NFX1: variants seen among roughly 807,000 people sequenced by gnomAD.
The protein encoded by NFX1 is nuclear transcription factor, X-box binding 1.
A neutral mutation model predicts 137.2 loss-of-function variants in NFX1; 69 were observed. The ratio of observed to expected loss-of-function variants is 0.50; its 90% CI spans 0.41 to 0.61. The LOEUF is 0.61. Among genes scored for constraint, NFX1 ranks in the 20% least tolerant of loss-of-function variants. NFX1 has a pLI of 0.00. For synonymous variants in NFX1, 495 were observed against 474.1 expected (o/e 1.04, Z -0.57); for missense variants, 1,167 against 1,391.0 (o/e 0.84, Z 2.56).
At chr9:33,337,017 G>A (rs772860393) in intron 11 of NFX1, among the ~76,000 whole-genome samples, 9 of 152,116 alleles carry the variant, frequency 5.9e-5, no homozygotes, top group Non-Finnish European at 1.0e-4. Context: ...CAAGAGAATC[G>A]CTTGAACCCA....
At chr9:33,367,651 C>T (rs752178838) in intron 23 of NFX1, 32 bp downstream of exon 23, 1 of 1,604,762 alleles carries the variant, frequency 6.2e-7, no homozygotes, top group East Asian at 2.2e-5. Context: ...CCAAGGGGAC[C>T]TGTCTGTCCA....
At chr9:33,350,392 G>A (rs578154808) in intron 15 of NFX1, among the ~76,000 whole-genome samples, 19 of 151,228 alleles carry the variant, frequency 1.3e-4, no homozygotes, top group South Asian at 2.1e-4. Flanking sequence ...CCTCCACCCC[G>A]CATCTATAAG....
Position 33,295,282 on chromosome 9 carries a change from C to G in NFX1, c.888C>G (p.Asp296Glu). The change falls in exon 2 of 24, where the codon GAC becomes GAG. Residue 296 changes from aspartate (D) to glutamate (E), a missense_variant. By Grantham distance (45) the Asp-to-Glu change is conservative. Transcript: ENST00000379540. Reference sequence around the variant, plus strand: ...AAAGACCAGCAAAATCTACCTGTGACAGTGAGAACTTGGCAGTCATCAACA... The same window carrying G: ...AAAGACCAGCAAAATCTACCTGTGAGAGTGAGAACTTGGCAGTCATCAACA... ...LNERPAKSTCDSENLAVINKS... is the reference protein window; with the variant it reads ...LNERPAKSTCESENLAVINKS... 3 of 1,614,122 alleles carry G rather than the reference C, an allele frequency of 1.9e-6. No individual in the cohort carries two copies. The highest frequency in any genetic ancestry group is 2.5e-6 in the Non-Finnish European group (3 of 1,180,028).
chr9:33,305,601 T>C lies in NFX1; in HGVS notation c.1271-1593T>C, dbSNP rs116437144. Reference sequence around the variant, plus strand: ...TGAGTAGAGTATTTTGGAGCCTAAATAATTTGGGACTTATAATCCAGATGA... The same window carrying C: ...TGAGTAGAGTATTTTGGAGCCTAAACAATTTGGGACTTATAATCCAGATGA... On this transcript the variant is annotated intron_variant, in intron 4 of 23. Transcript: ENST00000379540. 6.6e-3 allele frequency among the ~76,000 whole-genome samples: 1,001 copies of C among 152,320 alleles called. 7 individuals carry two copies. Among genetic ancestry groups the C allele is most frequent in the African/African-American group, 0.023 (951 of 41,558 alleles).
intron 2 of NFX1, among the ~76,000 whole-genome samples, chr9:33,300,584 T>C (rs1821522014): frequency 6.6e-6 from 1 of 152,182 alleles, no homozygotes; most frequent in Non-Finnish European, 1.5e-5. Context: ...AGAAAGACTT[T>C]GCTGCAATTG....
intron 23 of NFX1, among the ~76,000 whole-genome samples, chr9:33,368,369 C>A (rs944114253): frequency 1.3e-5 from 2 of 152,108 alleles, no homozygotes; most frequent in Non-Finnish European, 2.9e-5. Flanking sequence ...TTATAACAAA[C>A]ATATTCATGA....
chr9:33,290,529 T>C lies in NFX1; in HGVS notation c.-44T>C. On this transcript the variant is annotated 5_prime_UTR_variant, in exon 1 of 24. Coordinates refer to ENST00000379540, the MANE Select transcript of NFX1 (RefSeq NM_002504.6). ...TCCGGGGCACGTGACCTGGTGACAG[T>C]GCTGACTTGGCTGTACAGCTCGATC... 5.6e-6 allele frequency: 9 copies of C among 1,612,554 alleles called. No homozygotes were observed. Among genetic ancestry groups the C allele is most frequent in the Non-Finnish European group, 7.6e-6 (9 of 1,178,758 alleles).
At chr9:33,306,186 G>A (rs531595030) in intron 4 of NFX1, among the ~76,000 whole-genome samples, 7 of 152,288 alleles carry the variant, frequency 4.6e-5, no homozygotes, top group Non-Finnish European at 2.9e-5. Flanking sequence ...CACTTTGTAG[G>A]AAAAATTGAC....
intron 6 of NFX1, among the ~76,000 whole-genome samples, chr9:33,312,761 C>G (rs915803075): frequency 2.6e-5 from 4 of 152,164 alleles, no homozygotes; most frequent in African/African-American, 9.7e-5. Context: ...GCCCCAGCTA[C>G]TGGGGAGGTT....
chr9:33,343,249 A>G (rs918134729), intron 13 of NFX1, among the ~76,000 whole-genome samples: 1 of 152,172 alleles, frequency 6.6e-6, no homozygotes, highest in Non-Finnish European at 1.5e-5. Context: ...TGTGAATTGT[A>G]TTTATCTTTA....
intron 11 of NFX1, among the ~76,000 whole-genome samples, chr9:33,338,262 T>G (rs1219140577): frequency 6.9e-6 from 1 of 144,312 alleles, no homozygotes; most frequent in South Asian, 2.2e-4. Context: ...GGCTGAGGCA[T>G]GAGAATCACT....
Position 33,318,785 on chromosome 9 carries a change from A to T in NFX1, c.1643A>T (p.Lys548Met). Reference sequence around the variant, plus strand: ...GTGTTATGTGGAACCGATGTAGGAAAGTCTGATGGATTTGGGGATTTCAGC... The same window carrying T: ...GTGTTATGTGGAACCGATGTAGGAATGTCTGATGGATTTGGGGATTTCAGC... ...RDVLCGTDVG[K>M]SDGFGDFSCL... The change falls in exon 8 of 24, where the codon AAG (lysine) becomes ATG (methionine). Residue 548 changes from lysine (K) to methionine (M), a missense_variant. This residue lies in a region of NFX1 where 488 missense variants were observed against 691.5 expected (regional missense o/e 0.71). Transcript: ENST00000379540. 1 of 1,614,250 alleles carries T rather than the reference A, an allele frequency of 6.2e-7. No homozygotes were observed. Among genetic ancestry groups the T allele is most frequent in the Non-Finnish European group, 8.5e-7 (1 of 1,180,050 alleles).
At chr9:33,303,151 G>T in intron 3 of NFX1, 40 bp from the exon 4 acceptor site, 1 of 1,546,398 alleles carries the variant, frequency 6.5e-7, no homozygotes, top group Non-Finnish European at 8.9e-7. Flanking sequence ...GTAGCTTTTG[G>T]AAGAAAATTT....
rs572678276 is a variant in NFX1, at chr9:33,343,829, G to A, written c.2225-240G>A. Reference sequence around the variant, plus strand: ...TAGAAATATGTTGGGAAAAGTATTGGGAAGTTGTCAGGGTCATAGTAATAA... The same window carrying A: ...TAGAAATATGTTGGGAAAAGTATTGAGAAGTTGTCAGGGTCATAGTAATAA... On this transcript the variant is annotated intron_variant, in intron 13 of 23. Transcript: ENST00000379540. Among the ~76,000 whole-genome samples the A allele has an allele frequency of 2.6e-5, 4 of 152,094 alleles. No homozygotes were observed. The South Asian group carries it at 8.3e-4, about 32-fold the overall frequency.
intron 19 of NFX1, among the ~76,000 whole-genome samples, chr9:33,360,140 A>G (rs546727665): frequency 6.6e-6 from 1 of 152,318 alleles, no homozygotes; most frequent in East Asian, 1.9e-4. Flanking sequence ...CAGAAATGCT[A>G]TAGTGAATAC....
At chr9:33,335,063 A>G (rs1186621573) in intron 11 of NFX1, among the ~76,000 whole-genome samples, 1 of 152,110 alleles carries the variant, frequency 6.6e-6, no homozygotes, top group Admixed American at 6.5e-5. Flanking sequence ...TTCACCCATA[A>G]ATACTTCAGT....
chr9:33,339,743 G>T (rs530272329), intron 12 of NFX1, among the ~76,000 whole-genome samples: 53 of 152,344 alleles, frequency 3.5e-4, no homozygotes, highest in African/African-American at 1.3e-3. Flanking sequence ...TACAGGCATT[G>T]GGTATATACA....
chr9:33,332,819 G>C (rs963204573), intron 11 of NFX1, among the ~76,000 whole-genome samples: 4 of 152,130 alleles, frequency 2.6e-5, no homozygotes, highest in African/African-American at 9.7e-5. Context: ...TGGGCATATG[G>C]ATGTTCACTG....
In NFX1 at chr9:33,353,377, C is replaced by T. The variant is rs181229314; in HGVS notation, c.2729+658C>T. On this transcript the variant is annotated intron_variant, in intron 17 of 23. Transcript: ENST00000379540. ...CCTGAAGTCTTGGGACCTGTGTAGC[C>T]GTACAGGGATCTGAGTGCTGAGATG... is the stretch of plus-strand genomic sequence containing the variant. Among the ~76,000 whole-genome samples the T allele has an allele frequency of 1.4e-3, 219 of 152,118 alleles. 1 individual carries two copies. The highest frequency in any genetic ancestry group is 5.1e-3 in the African/African-American group (211 of 41,478).
Sources: gnomAD v4.1 joint callset for allele counts (sites outside exome capture counted in the v4.1 genomes callset) on GRCh38, gnomAD v4.1.1 for gene constraint, gnomAD v4.1.1 regional missense constraint, MANE v1.5 for transcripts, NCBI Gene and HGNC (gene_info 2026-07-23, HGNC 2026-07-21) for gene names.